The following COL1A2 variants were observed in gnomAD, a reference collection of about 807,000 sequenced individuals.
The protein encoded by COL1A2 is collagen alpha-2(I) chain.
Under a neutral mutation model 174.3 loss-of-function variants are expected in COL1A2, and 49 were observed. That is an observed-to-expected ratio of 0.28 (90% CI 0.22 to 0.36). The LOEUF (loss-of-function observed/expected upper bound fraction) is 0.36, where lower values mean the gene tolerates loss of function less well. Ranked by LOEUF, COL1A2 falls within the 10% of genes least tolerant of loss-of-function variation. COL1A2 has a pLI of 1.00. For synonymous variants in COL1A2, 655 were observed against 606.6 expected (o/e 1.08, Z -1.17); for missense variants, 1,438 against 1,822.7 (o/e 0.79, Z 3.84).
chr7:94,403,462 A>T lies in COL1A2; in HGVS notation c.280-1094A>T, dbSNP rs150611701. On this transcript the variant is annotated intron_variant, in intron 6 of 51. Transcript: ENST00000297268. ...ATACACTACATTTTATGTAAATGAA[A>T]TTGTTGCAAATACATGAAAAAATAA... is the stretch of plus-strand genomic sequence containing the variant. Among the ~76,000 whole-genome samples, 502 of 152,330 alleles carry T rather than the reference A, an allele frequency of 3.3e-3. 4 individuals carry two copies. The highest frequency in any genetic ancestry group is 0.012 in the African/African-American group (482 of 41,578).
chr7:94,409,569 T>C lies in COL1A2; in HGVS notation c.897T>C (p.Asn299=), dbSNP rs1280233717. The change falls in exon 18 of 52, where the codon AAT becomes AAC. Residue 299 remains asparagine, a synonymous_variant. Coordinates refer to ENST00000297268, the MANE Select transcript of COL1A2 (RefSeq NM_000089.4). ...GLSGPVGPPG[N]PGANGLTGAK... Reference sequence around the variant, plus strand: ...TCCTTTCCTTTTCCTCATAGGGTAATCCTGGAGCAAACGGCCTTACTGGTG... The same window carrying C: ...TCCTTTCCTTTTCCTCATAGGGTAACCCTGGAGCAAACGGCCTTACTGGTG... 2 of 1,614,216 alleles carry C rather than the reference T, an allele frequency of 1.2e-6. No individual in the cohort carries two copies. The highest frequency in any genetic ancestry group is 1.7e-6 in the Non-Finnish European group (2 of 1,180,046).
intron 32 of COL1A2, 88 bp downstream of exon 32, chr7:94,417,919 G>C: frequency 9.3e-7 from 1 of 1,070,894 alleles, no homozygotes; most frequent in Non-Finnish European, 1.4e-6. Context: ...ATTCTTGGCA[G>C]GTGGTCTGGT....
chr7:94,429,607 C>T (rs1475714626), intron 51 of COL1A2, 177 bp downstream of exon 51: 13 of 610,786 alleles, frequency 2.1e-5, no homozygotes, highest in South Asian at 4.5e-5. Flanking sequence ...TTTATTTATA[C>T]GTATTAATTT....
intron 6 of COL1A2, among the ~76,000 whole-genome samples, chr7:94,401,870 A>C (rs907276840): frequency 6.6e-6 from 1 of 152,184 alleles, no homozygotes; most frequent in South Asian, 2.1e-4. Flanking sequence ...TCATTAAGAT[A>C]GATCATATAC....
At chr7:94,411,370 T>C (rs1252112313) in intron 23 of COL1A2, among the ~76,000 whole-genome samples, 1 of 152,230 alleles carries the variant, frequency 6.6e-6, no homozygotes, top group African/African-American at 2.4e-5. Flanking sequence ...ACAATGGCTA[T>C]GAGGTTTTTG....
intron 1 of COL1A2, among the ~76,000 whole-genome samples, chr7:94,395,983 C>G (rs781143723): frequency 6.6e-6 from 1 of 152,112 alleles, no homozygotes; most frequent in Non-Finnish European, 1.5e-5. Context: ...TGAGATGAGA[C>G]TCAAGAGACC....
At chr7:94,413,797 C>A (rs554370362) in intron 27 of COL1A2, 54 bp downstream of exon 27, 1 of 1,609,534 alleles carries the variant, frequency 6.2e-7, no homozygotes, top group Non-Finnish European at 8.5e-7. Context: ...ATATAGTCCT[C>A]AAACTGGCCA....
chr7:94,426,882 A>T, intron 46 of COL1A2, 126 bp from the exon 47 acceptor site: 1 of 846,222 alleles, frequency 1.2e-6, no homozygotes, highest in Non-Finnish European at 1.9e-6. Context: ...GCCCCACTTT[A>T]CATTTTCAAT....
At chr7:94,427,916 C>T (rs1285850692) in intron 49 of COL1A2, 31 bp downstream of exon 49, 2 of 1,611,742 alleles carry the variant, frequency 1.2e-6, no homozygotes, top group African/African-American at 1.3e-5. Context: ...CAGACTGACC[C>T]TTCTCACAAG....
rs747938841 is a variant in COL1A2 at position 94,413,100 on chromosome 7, C to A, written c.1521C>A (p.Asn507Lys). The A allele has an allele frequency of 6.2e-7, 1 of 1,614,014 alleles. No homozygotes were observed. The highest frequency in any genetic ancestry group is 8.5e-7 in the Non-Finnish European group (1 of 1,180,020). ...TACTCTAGGGTGATCCTGGCAAAAA[C>A]GGTGATAAAGGTCATGCTGGTCTTG... is the stretch of plus-strand genomic sequence containing the variant. Reference protein sequence around the residue: ...PKGPTGDPGKNGDKGHAGLAG... With the variant: ...PKGPTGDPGKKGDKGHAGLAG... Residue 507 changes from asparagine (N) to lysine (K), a missense_variant, in exon 26 of 52, where the codon AAC becomes AAA. Asn to Lys is a moderately conservative substitution (Grantham distance 94). Transcript: ENST00000297268.
At position 94,424,358 on chromosome 7, in the gene COL1A2, C is replaced by A; in HGVS notation, c.2588C>A (p.Pro863His). ...GTAGPPGTPGPQGLLGAPGIL... is the reference protein window; with the variant it reads ...GTAGPPGTPGHQGLLGAPGIL... ...TAGGGACCTCCTGGCACTCCAGGTC[C>A]TCAGGGTCTTCTTGGTGCTCCTGGT... The change falls in exon 41 of 52, where the codon CCT becomes CAT. Residue 863 changes from proline (P) to histidine (H), a missense_variant. This residue lies in a region of COL1A2 where 867 missense variants were observed against 1,213.7 expected (regional missense o/e 0.71). Transcript: ENST00000297268. 6.2e-7 allele frequency: 1 copy of A among 1,614,110 alleles called. No homozygotes were observed. The highest frequency in any genetic ancestry group is 8.5e-7 in the Non-Finnish European group (1 of 1,179,992).
chr7:94,421,549 G>T, intron 38 of COL1A2: 1 of 398,710 alleles, frequency 2.5e-6, no homozygotes, highest in South Asian at 3.1e-5. Context: ...CAGCCAGGTG[G>T]TAAAGATAGT....
chr7:94,404,942 C>A (rs1323936340), intron 9 of COL1A2, 50 bp downstream of exon 9: 2 of 1,592,802 alleles, frequency 1.3e-6, no homozygotes, highest in Non-Finnish European at 1.7e-6. Flanking sequence ...AATACTCTTG[C>A]CTCAACAAGA....
chr7:94,415,223 T>C lies in COL1A2; in HGVS notation c.1720-3T>C. ...TCATGCTTTATTCTCATGTTTTGTC[T>C]AGGGTCTCCATGGTGAGTTTGGTCT... On this transcript the variant is annotated splice_polypyrimidine_tract_variant and splice_region_variant and intron_variant, in intron 29 of 51. Transcript: ENST00000297268. 1 of 1,613,268 alleles carries C rather than the reference T, an allele frequency of 6.2e-7. No homozygotes were observed.
rs1192597124 is a variant in COL1A2, at chr7:94,430,237, C to T, written c.3955-10C>T. On this transcript the variant is annotated splice_polypyrimidine_tract_variant and intron_variant, in intron 51 of 51. Coordinates refer to ENST00000297268, the MANE Select transcript of COL1A2 (RefSeq NM_000089.4). ...ATGCTTTGTGTATCTATTTTCTTCTCTTTAAACAGAAAAAGACAAATGAAT... is the reference window on the plus strand; with the variant it reads ...ATGCTTTGTGTATCTATTTTCTTCTTTTTAAACAGAAAAAGACAAATGAAT... 6 of 1,612,978 alleles carry T rather than the reference C, an allele frequency of 3.7e-6. No homozygotes were observed. The highest frequency in any genetic ancestry group is 1.7e-5 in the Admixed American group (1 of 59,980).
At chr7:94,429,481 G>T in intron 51 of COL1A2, 51 bp downstream of exon 51, 2 of 1,606,800 alleles carry the variant, frequency 1.2e-6, no homozygotes, top group African/African-American at 1.3e-5. Flanking sequence ...GATGGAGGGG[G>T]TTCTAACTTA....
intron 16 of COL1A2, 116 bp downstream of exon 16, chr7:94,408,939 C>T (rs1791860718): frequency 1.0e-6 from 1 of 989,230 alleles, no homozygotes; most frequent in African/African-American, 1.6e-5. Context: ...CTTAATTATT[C>T]CTTCCCTTCA....
intron 28 of COL1A2, 62 bp downstream of exon 28, chr7:94,414,009 ATACCG>A (rs1791986659): frequency 2.7e-6 from 4 of 1,460,908 alleles, no homozygotes; most frequent in Non-Finnish European, 3.8e-6. Context: ...GTAAATCACC[ATACCG>A]TACCTCTCTT....
chr7:94,409,725 C>T lies in COL1A2; in HGVS notation c.939C>T (p.Gly313=), dbSNP rs776087749. 1.2e-6 allele frequency: 2 copies of T among 1,613,992 alleles called. No homozygotes were observed. Among genetic ancestry groups the T allele is most frequent in the Non-Finnish European group, 8.5e-7 (1 of 1,180,006 alleles). ...CCACACTGCATTTTCCTTCACAGGG[C>T]CTTCCCGGCGTTGCTGGGGCTCCCG... ...NGLTGAKGAA[G]LPGVAGAPGL... The change falls in exon 19 of 52, where the codon GGC becomes GGT. Residue 313 remains glycine, a splice_region_variant and synonymous_variant. Coordinates refer to ENST00000297268, the MANE Select transcript of COL1A2 (RefSeq NM_000089.4).
Sources: allele counts gnomAD v4.1 joint callset (sites outside exome capture counted in the v4.1 genomes callset), GRCh38; gene constraint gnomAD v4.1.1; regional missense constraint gnomAD v4.1.1; transcripts MANE v1.5; gene names NCBI Gene and HGNC (gene_info 2026-07-23, HGNC 2026-07-21).